The following MET variants were observed in gnomAD, a reference collection of about 807,000 sequenced individuals.
MET encodes MET proto-oncogene, receptor tyrosine kinase, also known as hepatocyte growth factor receptor.
In MET, 48 loss-of-function variants were observed where a neutral mutation model predicts 133.1. That is an observed-to-expected ratio of 0.36 (90% CI 0.29 to 0.46). The LOEUF is 0.46. Among genes scored for constraint, MET ranks in the 20% least tolerant of loss-of-function variants. The pLI, the probability that MET is intolerant of heterozygous loss-of-function variation, is 1.00. For missense variants in MET, 1,442 were observed against 1,695.9 expected (o/e 0.85, Z 2.63); for synonymous variants, 628 against 616.5 (o/e 1.02, Z -0.28).
chr7:116,734,008 G>C lies in MET; in HGVS notation c.1392+2149G>C, dbSNP rs1214874796. 4.6e-5 allele frequency among the ~76,000 whole-genome samples: 7 copies of C among 152,188 alleles called. No homozygotes were observed. In the East Asian group the frequency reaches 1.3e-3, roughly 29 times the overall value. ...GGATCAAACAATCAACATCACTGAA[G>C]TCCATATATTTACAGTAAATAATAG... On this transcript the variant is annotated intron_variant, in intron 3 of 20. Coordinates refer to ENST00000397752, the MANE Select transcript of MET (RefSeq NM_000245.4).
At position 116,740,836 on chromosome 7, in the gene MET, C is replaced by T. The variant is rs1793416503; in HGVS notation, c.1528-16C>T. 6.2e-7 allele frequency: 1 copy of T among 1,613,806 alleles called. No individual in the cohort carries two copies. The highest frequency in any genetic ancestry group is 8.5e-7 in the Non-Finnish European group (1 of 1,179,970). On this transcript the variant is annotated splice_polypyrimidine_tract_variant and intron_variant, in intron 4 of 20. Transcript: ENST00000397752. ...GATACCCCTCTGGAAGCTCTTTCCA[C>T]CCCTTCTCTTCACAGATCACGAAGA...
At chr7:116,777,322 G>A (rs971658126) in intron 15 of MET, 67 bp from the exon 16 acceptor site, 3 of 1,312,184 alleles carry the variant, frequency 2.3e-6, no homozygotes, top group South Asian at 2.4e-5. Context: ...CTCATAAAGG[G>A]TTTGATAAAT....
At chr7:116,748,796 T>C (rs1367355932) in intron 5 of MET, among the ~76,000 whole-genome samples, 1 of 152,090 alleles carries the variant, frequency 6.6e-6, no homozygotes, top group Non-Finnish European at 1.5e-5. Context: ...CCCACAGAAA[T>C]ACAAACTACC....
chr7:116,740,713 C>A, intron 4 of MET, 139 bp from the exon 5 acceptor site: 2 of 1,023,574 alleles, frequency 2.0e-6, no homozygotes, highest in Non-Finnish European at 3.0e-6. Flanking sequence ...ACCGTTATGA[C>A]AGGATTTGCA....
chr7:116,690,251 A>G (rs192030136), intron 1 of MET, among the ~76,000 whole-genome samples: 1 of 152,308 alleles, frequency 6.6e-6, no homozygotes, highest in Admixed American at 6.5e-5. Flanking sequence ...CTCACAGTTT[A>G]TCTCCAACTC....
At chr7:116,736,840 A>C (rs1014295864) in intron 3 of MET, among the ~76,000 whole-genome samples, 1 of 152,224 alleles carries the variant, frequency 6.6e-6, no homozygotes, top group Non-Finnish European at 1.5e-5. Flanking sequence ...AATTCTTCTA[A>C]GATTCCCAGG....
intron 17 of MET, among the ~76,000 whole-genome samples, chr7:116,780,188 A>G (rs1387663766): frequency 6.6e-6 from 1 of 152,156 alleles, no homozygotes; most frequent in Non-Finnish European, 1.5e-5. Flanking sequence ...GCCAGGACCT[A>G]AAAGTCACCA....
In MET at chr7:116,777,547, AT is replaced by A. The variant is rs1361734777; in HGVS notation, c.3340+81del. On this transcript the variant is annotated intron_variant, in intron 16 of 20. Transcript: ENST00000397752. ...ATAAATAGCTTATAATAAAACGTTGATTTACACTTTCCCCTTGTGGAAAAAT... is the reference window on the plus strand; with the variant it reads ...ATAAATAGCTTATAATAAAACGTTGATTACACTTTCCCCTTGTGGAAAAAT... The A allele has an allele frequency of 3.0e-6, 4 of 1,348,202 alleles. No individual in the cohort carries two copies. The African/African-American group carries it at 5.7e-5, about 19-fold the overall frequency. The allele number at this position is 1,348,202 out of a possible 1,614,324, so 83.5% of individuals were successfully genotyped here.
At chr7:116,750,403 C>A (rs1276523357) in intron 5 of MET, among the ~76,000 whole-genome samples, 1 of 152,204 alleles carries the variant, frequency 6.6e-6, no homozygotes, top group African/African-American at 2.4e-5. Context: ...AACTGGACCC[C>A]TTCCTTACAC....
chr7:116,709,835 AG>A (rs1267521691), intron 2 of MET, among the ~76,000 whole-genome samples: 1 of 152,198 alleles, frequency 6.6e-6, no homozygotes, highest in Non-Finnish European at 1.5e-5. Flanking sequence ...TAATATGAGA[AG>A]GTCCAAGACT....
intron 3 of MET, among the ~76,000 whole-genome samples, chr7:116,736,246 A>G (rs550934870): frequency 6.6e-6 from 1 of 152,276 alleles, no homozygotes; most frequent in East Asian, 1.9e-4. Context: ...GATAGAAAGT[A>G]GATTAGTGGT....
In MET at chr7:116,672,525, C is replaced by G; in HGVS notation, c.-67C>G. 1 of 397,774 alleles carries G rather than the reference C, an allele frequency of 2.5e-6. No individual in the cohort carries two copies. The highest frequency in any genetic ancestry group is 4.4e-6 in the Non-Finnish European group (1 of 225,538). 24.6% of individuals were successfully genotyped at this position (397,774 alleles called of 1,614,324 possible). On this transcript the variant is annotated 5_prime_UTR_variant, in exon 1 of 21. Transcript: ENST00000397752. ...AGAGGAGGCGGGGAGGCGCGGAGCG[C>G]GCGTGTGGTCCTTGCGCCGCTGACT...
chr7:116,699,842 T>G lies in MET; in HGVS notation c.758T>G (p.Phe253Cys), dbSNP rs752495532. 1 of 1,614,118 alleles carries G rather than the reference T, an allele frequency of 6.2e-7. No individual in the cohort carries two copies. The highest frequency in any genetic ancestry group is 8.5e-7 in the Non-Finnish European group (1 of 1,179,976). ...DSYPIKYVHAFESNNFIYFLT... is the reference protein window; with the variant it reads ...DSYPIKYVHACESNNFIYFLT... ...TACCCCATTAAGTATGTCCATGCCT[T>G]TGAAAGCAACAATTTTATTTACTTC... is the stretch of plus-strand genomic sequence containing the variant. Residue 253 changes from phenylalanine to cysteine, a missense_variant, in exon 2 of 21, where the codon TTT becomes TGT. This residue lies in a region of MET where 762 missense variants were observed against 792.4 expected (regional missense o/e 0.96). Coordinates refer to ENST00000397752, the MANE Select transcript of MET (RefSeq NM_000245.4).
At chr7:116,680,585 A>G (rs905782294) in intron 1 of MET, among the ~76,000 whole-genome samples, 2 of 152,128 alleles carry the variant, frequency 1.3e-5, no homozygotes, top group African/African-American at 2.4e-5. Flanking sequence ...ACCCTAAGTC[A>G]TAAAGAGGGT....
At chr7:116,769,888 G>A in intron 12 of MET, 97 bp downstream of exon 12, 2 of 1,558,604 alleles carry the variant, frequency 1.3e-6, no homozygotes, top group Non-Finnish European at 1.8e-6. Flanking sequence ...TCATTTATGT[G>A]TGGGTTTTGG....
chr7:116,713,942 G>A (rs1334031738), intron 2 of MET, among the ~76,000 whole-genome samples: 5 of 152,192 alleles, frequency 3.3e-5, no homozygotes, highest in Non-Finnish European at 7.4e-5. Context: ...TGTTAGTGCA[G>A]GGTAATTGGT....
At chr7:116,695,279 G>A (rs555185364) in intron 1 of MET, among the ~76,000 whole-genome samples, 1 of 152,150 alleles carries the variant, frequency 6.6e-6, no homozygotes, top group South Asian at 2.1e-4. Context: ...GTTTGTATTT[G>A]CCCTCTAGTA....
intron 11 of MET, among the ~76,000 whole-genome samples, chr7:116,765,324 A>G (rs866567825): frequency 1.3e-5 from 2 of 151,694 alleles, no homozygotes; most frequent in Non-Finnish European, 2.9e-5. Context: ...TACTTCATCA[A>G]TGAAAGTGTT....
At chr7:116,733,240 G>T (rs1182095571) in intron 3 of MET, among the ~76,000 whole-genome samples, 3 of 151,876 alleles carry the variant, frequency 2.0e-5, no homozygotes, top group African/African-American at 4.8e-5. Context: ...TACATCAATG[G>T]CATTCTATAC....
Sources: gnomAD v4.1 joint callset for allele counts (sites outside exome capture counted in the v4.1 genomes callset) on GRCh38, gnomAD v4.1.1 for gene constraint, gnomAD v4.1.1 regional missense constraint, MANE v1.5 for transcripts, NCBI Gene and HGNC (gene_info 2026-07-23, HGNC 2026-07-21) for gene names.